The following HPGDS variants were observed in gnomAD, a reference collection of about 807,000 sequenced individuals.
HPGDS encodes GST class-sigma.
A neutral mutation model predicts 23.1 loss-of-function variants in HPGDS; 26 were observed. The observed-to-expected ratio is 1.13, with a 90% CI of 0.83 to 1.56. The LOEUF is 1.56. HPGDS is among the 40% of genes most tolerant of loss of function. HPGDS has a pLI of 0.00. For synonymous variants in HPGDS, 95 were observed against 77.9 expected, an observed-to-expected ratio of 1.22 and a Z score of -1.16; for missense variants, 268 against 236.4, an observed-to-expected ratio of 1.13 and a Z score of -0.88.
intron 3 of HPGDS, among the ~76,000 whole-genome samples, chr4:94,313,961 G>T (rs1366366795): frequency 1.3e-5 from 2 of 152,124 alleles, no homozygotes; most frequent in African/African-American, 4.8e-5. Context: ...TCATCATGTA[G>T]TTCTCGTGCC....
At chr4:94,322,116 G>A (rs148551366) in intron 2 of HPGDS, among the ~76,000 whole-genome samples, 3,784 of 152,206 alleles carry the variant, frequency 0.025, 107 homozygotes, top group African/African-American at 0.075. Flanking sequence ...AATGAAGCCA[G>A]CTTGATCTTG....
At chr4:94,315,401 A>C (rs1756376257) in intron 3 of HPGDS, among the ~76,000 whole-genome samples, 1 of 152,220 alleles carries the variant, frequency 6.6e-6, no homozygotes, top group South Asian at 2.1e-4. Flanking sequence ...ATTTTGTATC[A>C]AGAATTATTT....
intron 4 of HPGDS, among the ~76,000 whole-genome samples, chr4:94,304,210 C>A (rs867333761): frequency 2.0e-4 from 30 of 151,986 alleles, no homozygotes; most frequent in African/African-American, 6.0e-4. Flanking sequence ...TTCTCAAAAG[C>A]ATTTTCAGAT....
In HPGDS at chr4:94,299,463, A is replaced by T; in HGVS notation, c.*17T>A. 1 of 1,584,444 alleles carries T rather than the reference A, an allele frequency of 6.3e-7. No homozygotes were observed. The highest frequency in any genetic ancestry group is 8.6e-7 in the Non-Finnish European group (1 of 1,162,036). ...GATGCCCCCGAGAAAAACAAACTTGAAGGCAACATGGATCAGCTAGAGTTT... is the reference window on the plus strand; with the variant it reads ...GATGCCCCCGAGAAAAACAAACTTGTAGGCAACATGGATCAGCTAGAGTTT... On this transcript the variant is annotated 3_prime_UTR_variant, in exon 6 of 6. Transcript: ENST00000295256.
intron 2 of HPGDS, among the ~76,000 whole-genome samples, chr4:94,321,832 G>C (rs1756515754): frequency 6.6e-6 from 1 of 152,140 alleles, no homozygotes; most frequent in Non-Finnish European, 1.5e-5. Flanking sequence ...GGGCATCCCT[G>C]TCTTGTGCCA....
At chr4:94,316,818 T>C (rs1756407014) in intron 3 of HPGDS, among the ~76,000 whole-genome samples, 1 of 152,246 alleles carries the variant, frequency 6.6e-6, no homozygotes, top group Non-Finnish European at 1.5e-5. Context: ...ACAAAGTATA[T>C]TTTAGTGAGC....
intron 2 of HPGDS, among the ~76,000 whole-genome samples, chr4:94,328,469 T>G (rs191211895): frequency 3.2e-4 from 49 of 152,216 alleles, no homozygotes; most frequent in African/African-American, 1.1e-3. Flanking sequence ...ATTTTATCTG[T>G]AAATCCTACT....
chr4:94,310,561 G>A (rs1756243982), intron 3 of HPGDS, among the ~76,000 whole-genome samples: 1 of 152,164 alleles, frequency 6.6e-6, no homozygotes, highest in African/African-American at 2.4e-5. Flanking sequence ...TTTGAAGTCG[G>A]GTAGCGTGAT....
chr4:94,319,606 G>A (rs1236513945), intron 2 of HPGDS, among the ~76,000 whole-genome samples: 3 of 152,066 alleles, frequency 2.0e-5, no homozygotes, highest in Non-Finnish European at 2.9e-5. Context: ...TTATGTATCT[G>A]CTCTACCAGT....
At chr4:94,306,597 G>T (rs149513452) in intron 4 of HPGDS, among the ~76,000 whole-genome samples, 1 of 152,176 alleles carries the variant, frequency 6.6e-6, no homozygotes, top group East Asian at 1.9e-4. Flanking sequence ...AATGAGGATT[G>T]GTGGAAAACT....
intron 2 of HPGDS, among the ~76,000 whole-genome samples, chr4:94,319,444 T>A (rs1051046386): frequency 2.6e-5 from 4 of 152,212 alleles, no homozygotes; most frequent in Non-Finnish European, 5.9e-5. Flanking sequence ...CAGCAGATAG[T>A]TGGCTTGTAT....
At chr4:94,329,258 G>T (rs1756691903) in intron 2 of HPGDS, among the ~76,000 whole-genome samples, 1 of 152,150 alleles carries the variant, frequency 6.6e-6, no homozygotes, top group South Asian at 2.1e-4. Flanking sequence ...ATGAAGGGAT[G>T]AAGTTAAGAG....
intron 3 of HPGDS, among the ~76,000 whole-genome samples, chr4:94,315,443 T>C (rs541770319): frequency 6.6e-5 from 10 of 152,344 alleles, no homozygotes; most frequent in Admixed American, 2.0e-4. Flanking sequence ...GTCAGGAGCA[T>C]TTGTTTTCTG....
chr4:94,301,678 A>C (rs1182448550), intron 5 of HPGDS, among the ~76,000 whole-genome samples: 2 of 151,950 alleles, frequency 1.3e-5, no homozygotes, highest in Non-Finnish European at 2.9e-5. Flanking sequence ...TATAATTATA[A>C]TAATACCAGA....
chr4:94,338,194 C>T lies in HPGDS; in HGVS notation c.-9-3556G>A, dbSNP rs186027997. ...ATCCCGGCACTTTGGGAGGCCGAGG[C>T]GGGCAGATCACTTGAGGTCAGGAGT... On this transcript the variant is annotated intron_variant, in intron 1 of 5. Coordinates refer to ENST00000295256, the MANE Select transcript of HPGDS (RefSeq NM_014485.3). Among the ~76,000 whole-genome samples the T allele has an allele frequency of 1.8e-3, 272 of 152,218 alleles. 7 individuals carry two copies. The East Asian group carries it at 0.039, about 22-fold the overall frequency.
At chr4:94,340,311 C>CTTTTTTT (rs869240610) in intron 1 of HPGDS, among the ~76,000 whole-genome samples, 2 of 23,678 alleles carry the variant, frequency 8.4e-5, no homozygotes, top group Non-Finnish European at 8.7e-5. Context: ...CTTTCTTTCT[C>CTTTTTTT]TTTTTTTTTT....
intron 2 of HPGDS, among the ~76,000 whole-genome samples, chr4:94,322,839 T>C (rs1221920818): frequency 1.3e-5 from 2 of 152,340 alleles, no homozygotes; most frequent in Non-Finnish European, 1.5e-5. Flanking sequence ...TCTCTAGTTC[T>C]CTTAATTGGG....
At chr4:94,332,946 G>C (rs933686891) in intron 2 of HPGDS, among the ~76,000 whole-genome samples, 1 of 152,054 alleles carries the variant, frequency 6.6e-6, no homozygotes, top group Non-Finnish European at 1.5e-5. Context: ...TATGGACTTT[G>C]GCCCTTTTTT....
At chr4:94,309,132 T>C (rs1019337481) in intron 3 of HPGDS, among the ~76,000 whole-genome samples, 25 of 151,364 alleles carry the variant, frequency 1.7e-4, no homozygotes, top group African/African-American at 6.1e-4. Context: ...TTTATTTTTT[T>C]AATTATACTT....
Sources: allele counts gnomAD v4.1 joint callset (sites outside exome capture counted in the v4.1 genomes callset), GRCh38; gene constraint gnomAD v4.1.1; transcripts MANE v1.5; gene names NCBI Gene and HGNC (gene_info 2026-07-23, HGNC 2026-07-21).